Variants in B3GLCT observed in about 807,000 individuals in gnomAD.
The protein encoded by B3GLCT is beta 3-glucosyltransferase.
A neutral mutation model predicts 63.4 loss-of-function variants in B3GLCT; 65 were observed. The ratio of observed to expected loss-of-function variants is 1.03; its 90% CI spans 0.84 to 1.26. The LOEUF (loss-of-function observed/expected upper bound fraction) is 1.26. B3GLCT is among the 50% of genes most tolerant of loss of function. B3GLCT has a pLI of 0.00. For missense variants in B3GLCT, 577 were observed against 604.8 expected (o/e 0.95, Z 0.48); for synonymous variants, 233 against 219.2 (o/e 1.06, Z -0.55).
chr13:31,272,914 TG>T (rs1185209087), intron 8 of B3GLCT, among the ~76,000 whole-genome samples: 2 of 152,206 alleles, frequency 1.3e-5, no homozygotes, highest in African/African-American at 4.8e-5. Context: ...TTATTCCTCC[TG>T]AAGTGTATAT....
At position 31,329,486 on chromosome 13, in the gene B3GLCT, C is replaced by CT; in HGVS notation, c.1330-14dup. On this transcript the variant is annotated splice_polypyrimidine_tract_variant and intron_variant, in intron 14 of 14. Transcript: ENST00000343307. ...TCAATCAACAAGGAAGCCTAACTCTCTATTTTTCCTGCAGGCTCGGCCGGT... is the reference window on the plus strand; with the variant it reads ...TCAATCAACAAGGAAGCCTAACTCTCTTATTTTTCCTGCAGGCTCGGCCGGT... 6.2e-7 allele frequency: 1 copy of CT among 1,614,122 alleles called. No individual in the cohort carries two copies. The highest frequency in any genetic ancestry group is 8.5e-7 in the Non-Finnish European group (1 of 1,179,968).
intron 4 of B3GLCT, 99 bp from the exon 5 acceptor site, chr13:31,246,924 T>TTTTTC: frequency 1.0e-6 from 1 of 957,218 alleles, no homozygotes; most frequent in South Asian, 1.5e-5. Context: ...GCCTTTTCTT[T>TTTTTC]TTTTCTTTTT....
At chr13:31,320,084 T>G (rs1875260719) in intron 13 of B3GLCT, among the ~76,000 whole-genome samples, 1 of 152,174 alleles carries the variant, frequency 6.6e-6, no homozygotes, top group African/African-American at 2.4e-5. Flanking sequence ...CTGTTCCCCC[T>G]ACTTTTTGGT....
intron 7 of B3GLCT, among the ~76,000 whole-genome samples, chr13:31,267,319 A>C (rs1037747622): frequency 6.6e-6 from 1 of 152,258 alleles, no homozygotes; most frequent in Non-Finnish European, 1.5e-5. Flanking sequence ...AAGCCCGGGT[A>C]TGACTTTTCT....
At chr13:31,268,727 A>G (rs1872445924) in intron 7 of B3GLCT, among the ~76,000 whole-genome samples, 1 of 152,130 alleles carries the variant, frequency 6.6e-6, no homozygotes, top group Admixed American at 6.6e-5. Context: ...TTTATTCTGT[A>G]TGGGAAAGGA....
chr13:31,283,851 TAAATGTTTTTTCTATTGA>T (rs1873187102), intron 10 of B3GLCT, among the ~76,000 whole-genome samples: 1 of 152,194 alleles, frequency 6.6e-6, no homozygotes, highest in Admixed American at 6.5e-5. Context: ...ATATAAAATC[TAAATGTTTTTTCTATTGA>T]AAAAACAAGA....
intron 7 of B3GLCT, among the ~76,000 whole-genome samples, chr13:31,264,843 A>C (rs184690110): frequency 2.2e-4 from 34 of 152,194 alleles, no homozygotes; most frequent in African/African-American, 6.5e-4. Context: ...ATGCTTTTGG[A>C]TGCAAGTAAT....
intron 13 of B3GLCT, among the ~76,000 whole-genome samples, chr13:31,323,163 CA>C (rs1354104946): frequency 2.6e-5 from 4 of 152,186 alleles, no homozygotes; most frequent in Non-Finnish European, 4.4e-5. Context: ...TTGAGCCCAG[CA>C]TGTGGAATCA....
chr13:31,321,623 A>G (rs1177031343), intron 13 of B3GLCT, among the ~76,000 whole-genome samples: 1 of 152,206 alleles, frequency 6.6e-6, no homozygotes, highest in Non-Finnish European at 1.5e-5. Context: ...CAGTCCAGTA[A>G]GTTTTTGAAA....
At chr13:31,301,954 A>G (rs1487856777) in intron 12 of B3GLCT, among the ~76,000 whole-genome samples, 2 of 152,154 alleles carry the variant, frequency 1.3e-5, no homozygotes, top group African/African-American at 4.8e-5. Context: ...GGTGAGTCCC[A>G]TGGCTCTCCC....
intron 6 of B3GLCT, among the ~76,000 whole-genome samples, chr13:31,254,360 G>T (rs1334583374): frequency 6.6e-6 from 1 of 152,292 alleles, no homozygotes; most frequent in Admixed American, 6.5e-5. Context: ...GGGATGCAAG[G>T]CTGGCTCAAC....
intron 12 of B3GLCT, among the ~76,000 whole-genome samples, chr13:31,293,402 G>T (rs1873776314): frequency 2.6e-5 from 4 of 152,154 alleles, no homozygotes; most frequent in South Asian, 4.1e-4. Context: ...ACAGTGGGGT[G>T]TTAAAGCCTC....
intron 12 of B3GLCT, among the ~76,000 whole-genome samples, chr13:31,297,112 C>A (rs890625874): frequency 6.6e-6 from 1 of 151,846 alleles, no homozygotes; most frequent in Admixed American, 6.6e-5. Flanking sequence ...AATTTCCTTC[C>A]TATTTAAGGC....
Position 31,200,047 on chromosome 13 carries a change from C to G in B3GLCT, c.-38C>G, listed in dbSNP as rs1214065783. The G allele has an allele frequency of 1.5e-6, 2 of 1,307,804 alleles. No individual in the cohort carries two copies. The highest frequency in any genetic ancestry group is 2.0e-6 in the Non-Finnish European group (2 of 1,013,722). 81.0% of individuals were successfully genotyped at this position (1,307,804 alleles called of 1,614,324 possible). A position where few individuals can be genotyped will look rare whatever the true frequency, so the allele number is the denominator to read the frequency against. ...CTCCGCTCCCCGCGCGTCTCCCTTC[C>G]CCGCGCCCAGGTAGGGCGCTCAGCC... On this transcript the variant is annotated 5_prime_UTR_variant, in exon 1 of 15. Transcript: ENST00000343307.
intron 3 of B3GLCT, among the ~76,000 whole-genome samples, chr13:31,225,934 C>T (rs144075370): frequency 6.6e-5 from 10 of 152,284 alleles, no homozygotes; most frequent in Middle Eastern, 3.4e-3. Flanking sequence ...GATCTGCCTC[C>T]GTTTCTAACT....
At chr13:31,202,041 C>T (rs949831702) in intron 1 of B3GLCT, among the ~76,000 whole-genome samples, 1 of 152,132 alleles carries the variant, frequency 6.6e-6, no homozygotes, top group African/African-American at 2.4e-5. Context: ...GGAAGGGCAC[C>T]GACACGTATA....
intron 10 of B3GLCT, among the ~76,000 whole-genome samples, chr13:31,279,859 G>A (rs575197330): frequency 4.4e-4 from 67 of 152,256 alleles, no homozygotes; most frequent in African/African-American, 1.3e-3. Context: ...TTCAGAGACC[G>A]TCCCTTGGGA....
intron 12 of B3GLCT, among the ~76,000 whole-genome samples, chr13:31,313,229 A>G (rs1874814943): frequency 6.6e-6 from 1 of 152,256 alleles, no homozygotes. Flanking sequence ...AAATGAGACC[A>G]GAACTGTTAA....
intron 12 of B3GLCT, among the ~76,000 whole-genome samples, chr13:31,297,756 C>T (rs935302122): frequency 3.3e-5 from 5 of 152,166 alleles, no homozygotes; most frequent in Non-Finnish European, 7.4e-5. Flanking sequence ...ATGAGCTTCA[C>T]GTCGGGGTTC....
Sources: allele counts gnomAD v4.1 joint callset (sites outside exome capture counted in the v4.1 genomes callset), GRCh38; gene constraint gnomAD v4.1.1; transcripts MANE v1.5; gene names NCBI Gene and HGNC (gene_info 2026-07-23, HGNC 2026-07-21).